The following TBC1D8 variants were observed in gnomAD, a reference collection of about 807,000 sequenced individuals.
The protein encoded by TBC1D8 is TBC1 domain family member 8, also known as BUB2-like protein 1.
In TBC1D8, 65 loss-of-function variants were observed where a neutral mutation model predicts 118.8. The ratio of observed to expected loss-of-function variants is 0.55; its 90% confidence interval spans 0.45 to 0.67. TBC1D8 has a LOEUF of 0.67. Ranked by LOEUF, TBC1D8 falls within the 30% of genes least tolerant of loss-of-function variation. The pLI is 0.00. For missense variants in TBC1D8, 1,376 were observed against 1,471.2 expected, an observed-to-expected ratio of 0.94 and a Z score of 1.06; for synonymous variants, 566 against 595.8, an observed-to-expected ratio of 0.95 and a Z score of 0.73.
chr2:101,025,984 C>T (rs1432387050), intron 15 of TBC1D8, among the ~76,000 whole-genome samples: 2 of 152,208 alleles, frequency 1.3e-5, no homozygotes, highest in Non-Finnish European at 2.9e-5. Flanking sequence ...TACCAACCAA[C>T]ACTGTTGGTC....
At chr2:101,056,935 T>G (rs1329598331) in intron 3 of TBC1D8, among the ~76,000 whole-genome samples, 1 of 152,162 alleles carries the variant, frequency 6.6e-6, no homozygotes, top group African/African-American at 2.4e-5. Context: ...TCCTTAGGAT[T>G]TGGCCAGAGG....
intron 5 of TBC1D8, among the ~76,000 whole-genome samples, chr2:101,050,029 A>G (rs1009894963): frequency 2.0e-5 from 3 of 151,976 alleles, no homozygotes; most frequent in Non-Finnish European, 4.4e-5. Context: ...GGTTTTCACC[A>G]TGTTAGGCAG....
chr2:101,134,197 TCACACACACACACACACA>T (rs59427291), intron 1 of TBC1D8, among the ~76,000 whole-genome samples: 2 of 73,504 alleles, frequency 2.7e-5, no homozygotes, highest in Non-Finnish European at 5.6e-5. Flanking sequence ...TCTCTCTCTC[TCACACACACACACACACA>T]CACACACACA....
At position 101,010,853 on chromosome 2, in the gene TBC1D8, G is replaced by C. The variant is rs1236958677; in HGVS notation, c.3015+76C>G. ...GCTGAGATCGCGCCACTGTACTCCAGCCTGGGCGACAGAGCGAGACTCCAT... is the reference window on the plus strand; with the variant it reads ...GCTGAGATCGCGCCACTGTACTCCACCCTGGGCGACAGAGCGAGACTCCAT... On this transcript the variant is annotated intron_variant, in intron 19 of 19. Transcript: ENST00000409318. 4 of 1,291,174 alleles carry C rather than the reference G, an allele frequency of 3.1e-6. No individual in the cohort carries two copies. The African/African-American group carries it at 4.5e-5, about 15-fold the overall frequency. The allele number at this position is 1,291,174 out of a possible 1,614,324, so 80.0% of individuals were successfully genotyped here. A position where few individuals can be genotyped will look rare whatever the true frequency, so the allele number is the denominator to read the frequency against.
chr2:101,147,660 C>A (rs1321567710), intron 1 of TBC1D8, among the ~76,000 whole-genome samples: 1 of 152,096 alleles, frequency 6.6e-6, no homozygotes, highest in Non-Finnish European at 1.5e-5. Context: ...TGAAAAATGC[C>A]TATTAATGTC....
chr2:101,036,426 G>A (rs545984829), intron 8 of TBC1D8, among the ~76,000 whole-genome samples: 36 of 146,288 alleles, frequency 2.5e-4, no homozygotes, highest in African/African-American at 8.4e-4. Context: ...AATAAAATAC[G>A]ATTTCCTTAG....
Position 101,151,131 on chromosome 2 carries a change from G to A in TBC1D8, c.123C>T (p.Leu41=). Residue 41 remains leucine (L), a synonymous_variant, in exon 1 of 20, where the codon CTC becomes CTT. Transcript: ENST00000409318. Reference sequence around the variant, plus strand: ...CCGCCCCGGCGAGCCCCTTACCGGTGAGGCGGCCGCCCCCCTCGCCGTGCC... The same window carrying A: ...CCGCCCCGGCGAGCCCCTTACCGGTAAGGCGGCCGCCCCCCTCGCCGTGCC... ...RRGHGEGGGR[L]TGRLVGALDA... The A allele has an allele frequency of 8.7e-7, 1 of 1,148,342 alleles. No individual in the cohort carries two copies. The highest frequency in any genetic ancestry group is 1.7e-5 in the African/African-American group (1 of 60,114). 71.1% of individuals were successfully genotyped at this position (1,148,342 alleles called of 1,614,324 possible).
chr2:101,069,949 CTT>C (rs976342199), intron 2 of TBC1D8, among the ~76,000 whole-genome samples: 15 of 145,428 alleles, frequency 1.0e-4, no homozygotes, highest in African/African-American at 2.8e-4. Flanking sequence ...GAATTTTGCT[CTT>C]GTTGCCCAGG....
chr2:101,058,213 C>T (rs1682551032), intron 3 of TBC1D8, among the ~76,000 whole-genome samples: 1 of 152,166 alleles, frequency 6.6e-6, no homozygotes, highest in Non-Finnish European at 1.5e-5. Context: ...AGGTATAACT[C>T]CAAGAAGACA....
intron 2 of TBC1D8, among the ~76,000 whole-genome samples, chr2:101,071,775 T>C (rs1425877550): frequency 6.6e-6 from 1 of 152,216 alleles, no homozygotes; most frequent in Non-Finnish European, 1.5e-5. Context: ...ATATGCATCC[T>C]TATATGATTT....
chr2:101,099,696 G>A (rs1013459093), intron 1 of TBC1D8, among the ~76,000 whole-genome samples: 2 of 152,112 alleles, frequency 1.3e-5, no homozygotes, highest in African/African-American at 4.8e-5. Flanking sequence ...GGGATCCAAG[G>A]CTGGTTCAAC....
intron 5 of TBC1D8, among the ~76,000 whole-genome samples, chr2:101,044,859 T>C (rs1182822401): frequency 6.6e-6 from 1 of 152,178 alleles, no homozygotes; most frequent in Non-Finnish European, 1.5e-5. Context: ...TGGGATTCTC[T>C]TGTCTCAGCC....
intron 17 of TBC1D8, among the ~76,000 whole-genome samples, chr2:101,014,281 C>G (rs1282135389): frequency 6.6e-6 from 1 of 151,988 alleles, no homozygotes; most frequent in Non-Finnish European, 1.5e-5. Flanking sequence ...GGATCCCAAT[C>G]CAAGGCCAGA....
intron 2 of TBC1D8, among the ~76,000 whole-genome samples, chr2:101,071,818 T>A (rs1218327243): frequency 6.6e-6 from 1 of 152,228 alleles, no homozygotes; most frequent in African/African-American, 2.4e-5. Context: ...AAAGTGTTTT[T>A]AAAGATCTAA....
chr2:101,011,096 T>C, intron 18 of TBC1D8, 70 bp from the exon 19 acceptor site: 1 of 1,464,764 alleles, frequency 6.8e-7, no homozygotes, highest in Non-Finnish European at 9.4e-7. Context: ...GGAAACTATG[T>C]AGGAGAGAGG....
intron 1 of TBC1D8, among the ~76,000 whole-genome samples, chr2:101,108,971 C>T (rs1348463424): frequency 2.0e-5 from 3 of 152,156 alleles, no homozygotes; most frequent in Non-Finnish European, 2.9e-5. Context: ...CCAGAACCCT[C>T]TGTACTGTCC....
At chr2:101,099,357 G>C (rs1676676960) in intron 1 of TBC1D8, among the ~76,000 whole-genome samples, 1 of 152,124 alleles carries the variant, frequency 6.6e-6, no homozygotes, top group Admixed American at 6.6e-5. Context: ...CTGAAATTGA[G>C]GCAGTAATTA....
intron 11 of TBC1D8, among the ~76,000 whole-genome samples, chr2:101,030,431 A>C (rs1680603387): frequency 6.6e-6 from 1 of 152,240 alleles, no homozygotes; most frequent in African/African-American, 2.4e-5. Flanking sequence ...TAATCATCAG[A>C]GAAATGCAAA....
chr2:101,081,046 G>A (rs1247227157), intron 2 of TBC1D8, among the ~76,000 whole-genome samples: 1 of 152,118 alleles, frequency 6.6e-6, no homozygotes, highest in Non-Finnish European at 1.5e-5. Context: ...AAAGTACTGG[G>A]ATTATGGGAG....
Sources: allele counts gnomAD v4.1 joint callset (sites outside exome capture counted in the v4.1 genomes callset), GRCh38; gene constraint gnomAD v4.1.1; transcripts MANE v1.5; gene names NCBI Gene and HGNC (gene_info 2026-07-23, HGNC 2026-07-21).